LRRC4C: variants seen among roughly 807,000 people sequenced by gnomAD.
The protein encoded by LRRC4C is leucine rich repeat containing 4C.
A neutral mutation model predicts 33.6 loss-of-function variants in LRRC4C; 5 were observed. The ratio of observed to expected loss-of-function variants is 0.15; its 90% CI spans 0.08 to 0.31. The LOEUF is 0.31. Among genes scored for constraint, LRRC4C ranks in the 10% least tolerant of loss-of-function variants. LRRC4C has a pLI of 1.00. For synonymous variants in LRRC4C, 329 were observed against 302.0 expected (o/e 1.09, Z -0.93); for missense variants, 560 against 796.7 (o/e 0.70, Z 3.58).
intron 1 of LRRC4C, among the ~76,000 whole-genome samples, chr11:41,309,133 G>A (rs1285715987): frequency 1.3e-5 from 2 of 152,184 alleles, no homozygotes; most frequent in African/African-American, 4.8e-5. Context: ...CAGCTGGGCT[G>A]ATGGTAACAG....
At chr11:40,512,411 A>C (rs982731060) in intron 3 of LRRC4C, among the ~76,000 whole-genome samples, 3 of 152,044 alleles carry the variant, frequency 2.0e-5, no homozygotes, top group Non-Finnish European at 4.4e-5. Flanking sequence ...AAAAACCAAA[A>C]CCAAAACAAA....
chr11:40,209,603 T>C (rs958295727), intron 5 of LRRC4C, among the ~76,000 whole-genome samples: 3 of 152,104 alleles, frequency 2.0e-5, no homozygotes, highest in African/African-American at 7.2e-5. Context: ...AATACACTGG[T>C]GCGATCTCGG....
chr11:40,578,386 T>C (rs1422510175), intron 3 of LRRC4C, among the ~76,000 whole-genome samples: 2 of 152,008 alleles, frequency 1.3e-5, no homozygotes, highest in Non-Finnish European at 2.9e-5. Flanking sequence ...AAATTCTAGA[T>C]TTCATTAATT....
intron 3 of LRRC4C, among the ~76,000 whole-genome samples, chr11:40,394,363 A>C (rs559191383): frequency 6.6e-6 from 1 of 152,270 alleles, no homozygotes; most frequent in South Asian, 2.1e-4. Context: ...TTCAGCTAAG[A>C]ATTATCTTCA....
intron 1 of LRRC4C, among the ~76,000 whole-genome samples, chr11:41,310,081 A>G (rs1950605662): frequency 6.6e-6 from 1 of 152,230 alleles, no homozygotes; most frequent in African/African-American, 2.4e-5. Flanking sequence ...GGAAAAGACT[A>G]GGGTTTCAAT....
intron 1 of LRRC4C, among the ~76,000 whole-genome samples, chr11:41,139,245 C>T (rs1943399232): frequency 6.6e-6 from 1 of 152,122 alleles, no homozygotes; most frequent in Non-Finnish European, 1.5e-5. Flanking sequence ...GAACAACAGT[C>T]ACAGAGCTAG....
Position 41,369,041 on chromosome 11 carries a change from C to T in LRRC4C, c.-496+90390G>A, listed in dbSNP as rs149831537. Among the ~76,000 whole-genome samples the T allele has an allele frequency of 5.9e-5, 9 of 152,160 alleles. No homozygotes were observed. In the East Asian group the frequency reaches 1.7e-3, roughly 29 times the overall value. ...AAATCACTTAAATGGAAATCATTCC[C>T]TCTTAGAGCATTTTAAGTCATTTTT... On this transcript the variant is annotated intron_variant, in intron 1 of 6. Coordinates refer to ENST00000528697, the MANE Select transcript of LRRC4C (RefSeq NM_001258419.2).
chr11:40,646,176 TTAAAGGGAA>T (rs1481570581), intron 3 of LRRC4C, among the ~76,000 whole-genome samples: 2 of 152,116 alleles, frequency 1.3e-5, no homozygotes, highest in African/African-American at 2.4e-5. Flanking sequence ...GCTGAAGCTG[TTAAAGGGAA>T]AGCAGCTGCA....
chr11:41,003,240 A>C (rs1233169447), intron 1 of LRRC4C, among the ~76,000 whole-genome samples: 1 of 152,070 alleles, frequency 6.6e-6, no homozygotes, highest in Non-Finnish European at 1.5e-5. Context: ...CCATTTTTTC[A>C]AAGGGAGTAA....
intron 1 of LRRC4C, among the ~76,000 whole-genome samples, chr11:41,172,945 G>A (rs1945039374): frequency 6.6e-6 from 1 of 152,016 alleles, no homozygotes; most frequent in African/African-American, 2.4e-5. Context: ...AGGAGACTGA[G>A]GCTAAAATTC....
intron 4 of LRRC4C, among the ~76,000 whole-genome samples, chr11:40,287,335 A>G (rs541456340): frequency 1.3e-5 from 2 of 151,738 alleles, no homozygotes; most frequent in South Asian, 2.1e-4. Flanking sequence ...CTAAGCTTCT[A>G]TAAATTCCCC....
intron 1 of LRRC4C, among the ~76,000 whole-genome samples, chr11:41,176,825 C>T (rs1945219977): frequency 6.6e-6 from 1 of 151,890 alleles, no homozygotes; most frequent in South Asian, 2.1e-4. Context: ...ATTAGCTGGG[C>T]TTGGCAGTGT....
chr11:41,344,450 G>A (rs569371399), intron 1 of LRRC4C, among the ~76,000 whole-genome samples: 2 of 152,116 alleles, frequency 1.3e-5, no homozygotes, highest in African/African-American at 4.8e-5. Flanking sequence ...TCGATCTCCT[G>A]ACCTCGTGAT....
At chr11:40,874,959 A>G (rs1278990456) in intron 2 of LRRC4C, among the ~76,000 whole-genome samples, 1 of 152,200 alleles carries the variant, frequency 6.6e-6, no homozygotes, top group Non-Finnish European at 1.5e-5. Flanking sequence ...AATAGATAAC[A>G]ATGAGAAGTC....
intron 2 of LRRC4C, among the ~76,000 whole-genome samples, chr11:40,845,552 T>C (rs1362445650): frequency 1.3e-5 from 2 of 152,228 alleles, no homozygotes; most frequent in Non-Finnish European, 2.9e-5. Context: ...GGTATATATG[T>C]GCCATATTTT....
chr11:41,008,079 A>G (rs920668500), intron 1 of LRRC4C, among the ~76,000 whole-genome samples: 2 of 152,064 alleles, frequency 1.3e-5, no homozygotes, highest in African/African-American at 4.8e-5. Flanking sequence ...AGCAAGTACT[A>G]TTGCCAAAAC....
At chr11:40,846,203 T>G (rs1480771016) in intron 2 of LRRC4C, among the ~76,000 whole-genome samples, 1 of 152,180 alleles carries the variant, frequency 6.6e-6, no homozygotes, top group East Asian at 1.9e-4. Flanking sequence ...TTTGCCTATT[T>G]TGGCTTTTGT....
chr11:41,132,705 GATA>G (rs1451612354), intron 1 of LRRC4C, among the ~76,000 whole-genome samples: 46 of 151,986 alleles, frequency 3.0e-4, no homozygotes, highest in African/African-American at 1.1e-3. Context: ...TTATTTTTAT[GATA>G]ATAATGAAAT....
chr11:41,432,841 C>T (rs1955288597), intron 1 of LRRC4C, among the ~76,000 whole-genome samples: 1 of 152,084 alleles, frequency 6.6e-6, no homozygotes, highest in Admixed American at 6.6e-5. Flanking sequence ...TATAATAAAC[C>T]CTGTCTCCAT....
Sources: gnomAD v4.1 joint callset for allele counts (sites outside exome capture counted in the v4.1 genomes callset) on GRCh38, gnomAD v4.1.1 for gene constraint, MANE v1.5 for transcripts, NCBI Gene and HGNC (gene_info 2026-07-23, HGNC 2026-07-21) for gene names.